Variants in TTC34 observed in about 807,000 individuals in gnomAD.
TTC34 encodes tetratricopeptide repeat domain 34.
In TTC34, 44 loss-of-function variants were observed where a neutral mutation model predicts 40.7. The observed-to-expected ratio is 1.08, with a 90% CI of 0.85 to 1.39. The LOEUF is 1.39. Ranked by LOEUF, TTC34 falls within the 40% of genes most tolerant of loss-of-function variation. TTC34 has a pLI of 0.00. For synonymous variants in TTC34, 422 were observed against 398.6 expected (o/e 1.06, Z -0.70); for missense variants, 884 against 838.0 (o/e 1.05, Z -0.68).
At chr1:2,752,460 G>A (rs1217281934) in intron 6 of TTC34, among the ~76,000 whole-genome samples, 1,903 of 123,638 alleles carry the variant, frequency 0.015, no homozygotes, top group East Asian at 0.03. Flanking sequence ...ACCCCCAGGT[G>A]CGCACGTGAC....
At chr1:2,760,503 C>G (rs1223013391) in intron 6 of TTC34, among the ~76,000 whole-genome samples, 1 of 51,474 alleles carries the variant, frequency 1.9e-5, no homozygotes, top group Non-Finnish European at 3.0e-5. Flanking sequence ...GAGCATCTGA[C>G]AGCCTGGAGC....
At position 2,645,724 on chromosome 1, in the gene TTC34, C is replaced by T. The variant is rs1046816808; in HGVS notation, c.2227-161G>A. Among the ~76,000 whole-genome samples, 1 of 152,194 alleles carries T rather than the reference C, an allele frequency of 6.6e-6. No homozygotes were observed. Among genetic ancestry groups the T allele is most frequent in the African/African-American group, 2.4e-5 (1 of 41,442 alleles). On this transcript the variant is annotated intron_variant, in intron 6 of 8. Coordinates refer to ENST00000401095, the Ensembl canonical transcript of TTC34. The surrounding 1 kb of genome is among the most constrained non-coding windows in gnomAD (Gnocchi z 4.7). ...CAGCTTCCTGCCCCTTCCTGCTTCT[C>T]TGTGGCTGCAGCCTCCTACCATCCC... is the stretch of plus-strand genomic sequence containing the variant.
Position 2,791,651 on chromosome 1 carries a change from C to T in TTC34, c.785-1305G>A, listed in dbSNP as rs1424604416. On this transcript the variant is annotated intron_variant, in intron 2 of 8. Transcript: ENST00000401095. ...GTTCTGGTGGCCAAAGTAAAAGACA[C>T]TTTGAGCCTTTCCTGCCAGCTACTG... Among the ~76,000 whole-genome samples, 3 of 152,256 alleles carry T rather than the reference C, an allele frequency of 2.0e-5. No individual in the cohort carries two copies. The East Asian group carries it at 5.8e-4, about 29-fold the overall frequency.
intron 6 of TTC34, among the ~76,000 whole-genome samples, chr1:2,688,762 G>T (rs867500915): frequency 4.4e-5 from 5 of 114,904 alleles, no homozygotes; most frequent in Non-Finnish European, 6.7e-5. Context: ...GCCTGGAACA[G>T]CACCCACATC....
At chr1:2,752,516 G>T in intron 6 of TTC34, among the ~76,000 whole-genome samples, 1 of 141,046 alleles carries the variant, frequency 7.1e-6, no homozygotes, top group Admixed American at 7.3e-5. Context: ...CTGACAGCCT[G>T]GAGCAGCACC....
At chr1:2,759,629 G>C (rs1641625911) in intron 6 of TTC34, among the ~76,000 whole-genome samples, 1 of 151,902 alleles carries the variant, frequency 6.6e-6, no homozygotes, top group South Asian at 2.1e-4. Context: ...GCCTGGAACA[G>C]CACCCACACC....
At chr1:2,795,762 G>A (rs767947668) in intron 2 of TTC34, among the ~76,000 whole-genome samples, 6 of 152,340 alleles carry the variant, frequency 3.9e-5, no homozygotes, top group East Asian at 1.9e-4. Context: ...AGACAAACAC[G>A]TAGGGAGCCA....
chr1:2,649,847 C>T (rs956035877), intron 6 of TTC34, among the ~76,000 whole-genome samples: 1 of 152,132 alleles, frequency 6.6e-6, no homozygotes, highest in African/African-American at 2.4e-5. Context: ...CACCTCACAC[C>T]CTCAGGTGAG....
intron 6 of TTC34, among the ~76,000 whole-genome samples, chr1:2,699,969 A>C (rs1327515978): frequency 2.1e-5 from 2 of 93,688 alleles, no homozygotes; most frequent in Admixed American, 1.2e-4. Flanking sequence ...AGAAATGCTC[A>C]CACCCCAAGG....
At chr1:2,758,825 C>T (rs1641595615) in intron 6 of TTC34, among the ~76,000 whole-genome samples, 1 of 33,710 alleles carries the variant, frequency 3.0e-5, no homozygotes. Flanking sequence ...CAGCCTGAAG[C>T]AGCACCCACA....
chr1:2,760,931 T>A (rs1414726210), intron 6 of TTC34, among the ~76,000 whole-genome samples: 3 of 49,366 alleles, frequency 6.1e-5, no homozygotes, highest in Admixed American at 1.9e-4. Flanking sequence ...CACCCCAAGG[T>A]GAGCATCTGA....
chr1:2,677,881 C>T (rs1258468802), intron 6 of TTC34, among the ~76,000 whole-genome samples: 2 of 9,032 alleles, frequency 2.2e-4, no homozygotes, highest in Non-Finnish European at 1.7e-4. Context: ...AGCCTGGAAC[C>T]GCAGCCACAC....
chr1:2,693,325 A>T lies in TTC34; in HGVS notation c.2227-47762T>A, dbSNP rs1286570707. 8.6e-3 allele frequency among the ~76,000 whole-genome samples: 707 copies of T among 81,950 alleles called. 2 individuals carry two copies. The highest frequency in any genetic ancestry group is 0.013 in the Non-Finnish European group (466 of 35,034). The allele number at this position is 81,950 out of a possible 152,430, so 53.8% of individuals were successfully genotyped here. A position where few individuals can be genotyped will look rare whatever the true frequency, so the allele number is the denominator to read the frequency against. ...CCCCATGCCCAGGTGAGCCTCTGAC[A>T]GCCTGGAACAGCACGCACACCCCCA... On this transcript the variant is annotated intron_variant, in intron 6 of 8. Transcript: ENST00000401095.
At position 2,791,522 on chromosome 1, in the gene TTC34, C is replaced by T. The variant is rs113239446; in HGVS notation, c.785-1176G>A. Among the ~76,000 whole-genome samples, 346 of 152,282 alleles carry T rather than the reference C, an allele frequency of 2.3e-3. 2 individuals are homozygous for T. Among genetic ancestry groups the T allele is most frequent in the African/African-American group, 7.9e-3 (328 of 41,522 alleles). Reference sequence around the variant, plus strand: ...GCAGGGCACAGAAGCAAAGCCGCTGCGGTCACTGCCCTGCTGCTGTTGCGG... The same window carrying T: ...GCAGGGCACAGAAGCAAAGCCGCTGTGGTCACTGCCCTGCTGCTGTTGCGG... On this transcript the variant is annotated intron_variant, in intron 2 of 8. Coordinates refer to ENST00000401095, the Ensembl canonical transcript of TTC34.
intron 6 of TTC34, among the ~76,000 whole-genome samples, chr1:2,649,126 C>T (rs1289986628): frequency 6.6e-6 from 1 of 151,648 alleles, no homozygotes; most frequent in Non-Finnish European, 1.5e-5. Context: ...CACCCCACAC[C>T]CCCAGGTGAG....
chr1:2,687,137 A>G (rs552269336), intron 6 of TTC34, among the ~76,000 whole-genome samples: 2 of 142,566 alleles, frequency 1.4e-5, no homozygotes, highest in African/African-American at 5.9e-5. Flanking sequence ...ACAGGTGAGC[A>G]TCTGACAGCC....
rs1641643567 is a variant in TTC34, at chr1:2,760,011, A to G, written c.2226+23598T>C. Among the ~76,000 whole-genome samples the G allele has an allele frequency of 2.2e-4, 29 of 131,098 alleles. 1 individual carries two copies. The highest frequency in any genetic ancestry group is 3.3e-4 in the Non-Finnish European group (21 of 62,938). The allele number at this position is 131,098 out of a possible 152,430, so 86.0% of individuals were successfully genotyped here. A position where few individuals can be genotyped will look rare whatever the true frequency, so the allele number is the denominator to read the frequency against. On this transcript the variant is annotated intron_variant, in intron 6 of 8. Coordinates refer to ENST00000401095, the Ensembl canonical transcript of TTC34. Reference sequence around the variant, plus strand: ...GGAGAAGCACCCACAACCACAGGTGAGCATCGGAGAGTCCGGAGCAGCGCC... The same window carrying G: ...GGAGAAGCACCCACAACCACAGGTGGGCATCGGAGAGTCCGGAGCAGCGCC...
chr1:2,691,540 C>T (rs1303387131), intron 6 of TTC34, among the ~76,000 whole-genome samples: 3 of 117,330 alleles, frequency 2.6e-5, no homozygotes, highest in Admixed American at 9.2e-5. Context: ...ACAGAACCCA[C>T]ACCCCCAGGT....
At position 2,645,605 on chromosome 1, in the gene TTC34, T is replaced by A; in HGVS notation, c.2227-42A>T. The A allele has an allele frequency of 7.0e-7, 1 of 1,437,860 alleles. No individual in the cohort carries two copies. Among genetic ancestry groups the A allele is most frequent in the Non-Finnish European group, 9.1e-7 (1 of 1,098,072 alleles). 89.1% of individuals were successfully genotyped at this position (1,437,860 alleles called of 1,614,324 possible). A position where few individuals can be genotyped will look rare whatever the true frequency, so the allele number is the denominator to read the frequency against. ...CGGGCGGGTGCAGAGTTGTCCTAAG[T>A]AGAGAAACTGGGCAGAGGGTCAGAG... On this transcript the variant is annotated intron_variant, in intron 6 of 8. Coordinates refer to ENST00000401095, the Ensembl canonical transcript of TTC34. The surrounding 1 kb of genome is among the most constrained non-coding windows in gnomAD (Gnocchi z 4.7).
Sources: gnomAD v4.1 joint callset for allele counts (sites outside exome capture counted in the v4.1 genomes callset) on GRCh38, gnomAD v4.1.1 for gene constraint, Gnocchi (gnomAD v3.1) non-coding constraint, MANE v1.5 for transcripts, NCBI Gene and HGNC (gene_info 2026-07-23, HGNC 2026-07-21) for gene names.